Variants in POT1 observed in about 807,000 individuals in gnomAD.
POT1 encodes the protein protection of telomeres 1.
A neutral mutation model predicts 78.5 loss-of-function variants in POT1; 47 were observed. The observed-to-expected ratio is 0.60, with a 90% CI of 0.47 to 0.76. The LOEUF (loss-of-function observed/expected upper bound fraction) is 0.76. Among genes scored for constraint, POT1 ranks in the 30% least tolerant of loss-of-function variants. The probability of loss-of-function intolerance (pLI) is 0.00; values close to 1 mark genes in which losing one functional copy is unlikely to be tolerated. For missense variants in POT1, 646 were observed against 749.9 expected, an observed-to-expected ratio of 0.86 and a Z score of 1.62; for synonymous variants, 259 against 260.7, an observed-to-expected ratio of 0.99 and a Z score of 0.06.
chr7:124,880,232 G>A (rs919163233), intron 6 of POT1, among the ~76,000 whole-genome samples: 1 of 151,890 alleles, frequency 6.6e-6, no homozygotes, highest in Non-Finnish European at 1.5e-5. Flanking sequence ...TTAAAATTTC[G>A]TGATAAACAC....
At chr7:124,844,594 G>A (rs906530685) in intron 12 of POT1, among the ~76,000 whole-genome samples, 2 of 150,718 alleles carry the variant, frequency 1.3e-5, no homozygotes, top group African/African-American at 4.8e-5. Flanking sequence ...AAATTAGCCG[G>A]TGTGGTGGCG....
intron 3 of POT1, among the ~76,000 whole-genome samples, chr7:124,899,455 A>G (rs1171144217): frequency 1.3e-5 from 2 of 152,024 alleles, no homozygotes. Context: ...ATGGGAGAAA[A>G]TTTTTCTTCT....
intron 15 of POT1, 138 bp downstream of exon 15, chr7:124,835,141 C>T: frequency 2.0e-6 from 2 of 979,106 alleles, no homozygotes; most frequent in Non-Finnish European, 2.9e-6. Flanking sequence ...ATGCCTAATG[C>T]AGGTGACGGG....
At chr7:124,846,850 T>C in intron 12 of POT1, 92 bp downstream of exon 12, 1 of 891,280 alleles carries the variant, frequency 1.1e-6, no homozygotes, top group South Asian at 1.5e-5. Flanking sequence ...TGTGTTCTAC[T>C]ATTAGAAAGA....
At chr7:124,827,969 G>A (rs1346654972) in intron 16 of POT1, among the ~76,000 whole-genome samples, 1 of 151,986 alleles carries the variant, frequency 6.6e-6, no homozygotes, top group African/African-American at 2.4e-5. Context: ...GGAGGCAGAG[G>A]TTGCAGTGAG....
intron 6 of POT1, among the ~76,000 whole-genome samples, chr7:124,877,435 T>C (rs1275670131): frequency 6.6e-6 from 1 of 151,576 alleles, no homozygotes; most frequent in African/African-American, 2.4e-5. Flanking sequence ...GTACGGACAA[T>C]AGTAATGGAT....
intron 13 of POT1, 95 bp downstream of exon 13, chr7:124,842,712 C>A: frequency 1.0e-6 from 1 of 993,510 alleles, no homozygotes; most frequent in Non-Finnish European, 1.4e-6. Flanking sequence ...TATATATTAA[C>A]AATTTACTTA....
chr7:124,916,602 G>GA (rs1275391547), intron 2 of POT1, among the ~76,000 whole-genome samples: 1 of 151,850 alleles, frequency 6.6e-6, no homozygotes, highest in Non-Finnish European at 1.5e-5. Context: ...CCTGAAATGA[G>GA]AAAAAAATAG....
At chr7:124,899,364 C>T (rs982043208) in intron 3 of POT1, among the ~76,000 whole-genome samples, 33 of 152,108 alleles carry the variant, frequency 2.2e-4, no homozygotes, top group African/African-American at 7.5e-4. Context: ...GCAATTCCTG[C>T]GTTTTTTTCT....
At chr7:124,837,801 T>A (rs1040954106) in intron 14 of POT1, among the ~76,000 whole-genome samples, 1 of 151,998 alleles carries the variant, frequency 6.6e-6, no homozygotes, top group African/African-American at 2.4e-5. Context: ...CATAAAAAAA[T>A]ACTCAGAAAG....
At chr7:124,861,556 G>C (rs1215786071) in intron 8 of POT1, among the ~76,000 whole-genome samples, 1 of 151,904 alleles carries the variant, frequency 6.6e-6, no homozygotes, top group Non-Finnish European at 1.5e-5. Flanking sequence ...AGGTTGGCCT[G>C]TTCACTCTGA....
intron 18 of POT1, among the ~76,000 whole-genome samples, chr7:124,824,639 A>G (rs920690690): frequency 2.6e-5 from 4 of 152,128 alleles, no homozygotes; most frequent in African/African-American, 9.6e-5. Flanking sequence ...ATTTCCTACG[A>G]TAAAAAATTG....
intron 16 of POT1, among the ~76,000 whole-genome samples, chr7:124,828,117 T>C (rs1794674849): frequency 6.6e-6 from 1 of 152,142 alleles, no homozygotes; most frequent in Non-Finnish European, 1.5e-5. Context: ...ATGTAACTCA[T>C]TGCATGTTAG....
chr7:124,853,233 G>C, intron 9 of POT1, 95 bp from the exon 10 acceptor site: 3 of 881,386 alleles, frequency 3.4e-6, no homozygotes, highest in Non-Finnish European at 5.1e-6. Flanking sequence ...GCCAATGAGG[G>C]CACTGACCAG....
chr7:124,898,500 T>C (rs1232956980), intron 3 of POT1, 126 bp from the exon 4 acceptor site: 7 of 152,036 alleles, frequency 4.6e-5, no homozygotes, highest in African/African-American at 9.7e-5. Flanking sequence ...AGAAAACTGG[T>C]TAACCTAAAC....
At chr7:124,865,138 C>A (rs1359789324) in intron 7 of POT1, among the ~76,000 whole-genome samples, 1 of 151,960 alleles carries the variant, frequency 6.6e-6, no homozygotes, top group Non-Finnish European at 1.5e-5. Context: ...CTTCTTTGTT[C>A]TCTGGGTGTC....
intron 15 of POT1, among the ~76,000 whole-genome samples, chr7:124,835,072 A>G (rs1005622174): frequency 6.6e-6 from 1 of 152,120 alleles, no homozygotes; most frequent in African/African-American, 2.4e-5. Context: ...GGAGGGGAAC[A>G]TCACACACCA....
At chr7:124,866,785 A>T (rs1795736453) in intron 7 of POT1, among the ~76,000 whole-genome samples, 1 of 152,156 alleles carries the variant, frequency 6.6e-6, no homozygotes, top group African/African-American at 2.4e-5. Context: ...ATGCCTAAAA[A>T]ACAGTTGCCT....
At chr7:124,849,508 A>T (rs1228820304) in intron 11 of POT1, among the ~76,000 whole-genome samples, 1 of 152,184 alleles carries the variant, frequency 6.6e-6, no homozygotes, top group African/African-American at 2.4e-5. Context: ...AGGTGTGAGT[A>T]AAGTATATTC....
Sources: gnomAD v4.1 joint callset for allele counts (sites outside exome capture counted in the v4.1 genomes callset) on GRCh38, gnomAD v4.1.1 for gene constraint, MANE v1.5 for transcripts, NCBI Gene and HGNC (gene_info 2026-07-23, HGNC 2026-07-21) for gene names.